The following EPS15L1 variants were observed in gnomAD, a reference collection of about 807,000 sequenced individuals.
EPS15L1 encodes the protein epidermal growth factor receptor substrate 15-like 1.
EPS15L1 carries 43 observed loss-of-function variants against 117.1 expected under a neutral mutation model. That is an observed-to-expected ratio of 0.37 (90% CI 0.29 to 0.47). EPS15L1 has a LOEUF of 0.47. Among genes scored for constraint, EPS15L1 ranks in the 20% least tolerant of loss-of-function variants. EPS15L1 has a pLI of 0.99. For missense variants in EPS15L1, 981 were observed against 1,164.0 expected, an observed-to-expected ratio of 0.84 and a Z score of 2.29; for synonymous variants, 459 against 470.5, an observed-to-expected ratio of 0.98 and a Z score of 0.32.
At chr19:16,461,305 T>TAAA (rs749124401) in intron 1 of EPS15L1, among the ~76,000 whole-genome samples, 7 of 99,990 alleles carry the variant, frequency 7.0e-5, no homozygotes, top group African/African-American at 2.4e-4. Flanking sequence ...CTCCGTCTCT[T>TAAA]AAAAAAAAAA....
At position 16,471,926 on chromosome 19, in the gene EPS15L1, G is replaced by A. The variant is rs990260997; in HGVS notation, c.20C>T (p.Pro7Leu). 4 of 1,295,822 alleles carry A rather than the reference G, an allele frequency of 3.1e-6. No homozygotes were observed. The highest frequency in any genetic ancestry group is 3.1e-5 in the African/African-American group (2 of 64,606). 80.3% of individuals were successfully genotyped at this position (1,295,822 alleles called of 1,614,324 possible). The change falls in exon 1 of 24, where the codon CCC (proline) becomes CTC (leucine). Residue 7 changes from proline to leucine, a missense_variant. This residue lies in a region of EPS15L1 where 37 missense variants were observed against 21.2 expected (regional missense o/e 1.75). Transcript: ENST00000455140. This position sits in a 1 kb window ranked among gnomAD's most constrained non-coding sequence, Gnocchi z 4.8. ...CCCGGCCCGTACCTGCTGGGAGAGGGGGATGAGCGGCGCCGCCATCTTCCC... is the reference window on the plus strand; with the variant it reads ...CCCGGCCCGTACCTGCTGGGAGAGGAGGATGAGCGGCGCCGCCATCTTCCC... MAAPLI[P>L]LSQQIPTGNS... is the part of the protein sequence containing the mutation.
At chr19:16,423,363 C>G (rs1340503769) in intron 9 of EPS15L1, among the ~76,000 whole-genome samples, 1 of 152,034 alleles carries the variant, frequency 6.6e-6, no homozygotes, top group African/African-American at 2.4e-5. Flanking sequence ...CCCAGGAGTT[C>G]AAGACCAGCC....
Position 16,387,368 on chromosome 19 carries a change from G to C in EPS15L1, c.2104-1137C>G, listed in dbSNP as rs868475524. On this transcript the variant is annotated intron_variant, in intron 19 of 23. Transcript: ENST00000455140. ...CATGCCTGTAATCCCAGCACTGTGG[G>C]GGCCAAGGCAAGTGGATCACCTGAG... Among the ~76,000 whole-genome samples the C allele has an allele frequency of 7.9e-5, 12 of 152,264 alleles. No homozygotes were observed. In the Middle Eastern group the frequency reaches 0.01, roughly 129 times the overall value.
intron 4 of EPS15L1, among the ~76,000 whole-genome samples, chr19:16,438,245 T>C (rs1394089277): frequency 3.3e-5 from 5 of 151,962 alleles, no homozygotes; most frequent in African/African-American, 1.2e-4. Flanking sequence ...CCCAGCTACT[T>C]GGGAGGCTGA....
At position 16,416,482 on chromosome 19, in the gene EPS15L1, A is replaced by T. The variant is rs559002289; in HGVS notation, c.1193+1070T>A. On this transcript the variant is annotated intron_variant, in intron 12 of 23. Transcript: ENST00000455140. Reference sequence around the variant, plus strand: ...GAAACCCCATCTCTACAAAAAATATAAAAAAATTAGCCAGGCATGGTGGCA... The same window carrying T: ...GAAACCCCATCTCTACAAAAAATATTAAAAAATTAGCCAGGCATGGTGGCA... 1.1e-3 allele frequency among the ~76,000 whole-genome samples: 165 copies of T among 152,104 alleles called. 2 individuals are homozygous for T. Among genetic ancestry groups the T allele is most frequent in the South Asian group, 8.3e-3 (40 of 4,818 alleles).
intron 21 of EPS15L1, among the ~76,000 whole-genome samples, chr19:16,377,824 T>C (rs898314181): frequency 6.6e-6 from 1 of 152,180 alleles, no homozygotes; most frequent in Non-Finnish European, 1.5e-5. Context: ...CATCCTCACA[T>C]GCCCGGCCAC....
At position 16,374,453 on chromosome 19, in the gene EPS15L1, A is replaced by G. The variant is rs13353278; in HGVS notation, c.2380+2669T>C. ...CCTAAAAAGCCTGAACCCTGAAGCCAGGCCCAAGGAAGTCACCCAAACTCC... is the reference window on the plus strand; with the variant it reads ...CCTAAAAAGCCTGAACCCTGAAGCCGGGCCCAAGGAAGTCACCCAAACTCC... On this transcript the variant is annotated intron_variant, in intron 22 of 23. Transcript: ENST00000455140. 8.0e-3 allele frequency among the ~76,000 whole-genome samples: 1,218 copies of G among 152,286 alleles called. 19 individuals are homozygous for G. Among genetic ancestry groups the G allele is most frequent in the African/African-American group, 0.028 (1,148 of 41,560 alleles).
chr19:16,462,932 G>A (rs1057446432), intron 1 of EPS15L1, among the ~76,000 whole-genome samples: 11 of 152,190 alleles, frequency 7.2e-5, no homozygotes, highest in Non-Finnish European at 1.5e-4. Flanking sequence ...CAGTGGAGGT[G>A]ATTCATCCCA....
intron 7 of EPS15L1, among the ~76,000 whole-genome samples, chr19:16,432,129 A>T (rs2092933877): frequency 6.6e-6 from 1 of 152,142 alleles, no homozygotes; most frequent in South Asian, 2.1e-4. Context: ...AAACAAATTG[A>T]GGCTTTTAAA....
chr19:16,407,929 T>A (rs2092671710), intron 13 of EPS15L1, among the ~76,000 whole-genome samples: 1 of 152,126 alleles, frequency 6.6e-6, no homozygotes, highest in South Asian at 2.1e-4. Context: ...AGAGACTGTG[T>A]CTCCAAACCC....
chr19:16,431,050 C>T (rs975729771), intron 7 of EPS15L1, among the ~76,000 whole-genome samples: 1 of 151,862 alleles, frequency 6.6e-6, no homozygotes, highest in East Asian at 2.0e-4. Context: ...ACCAGCCTGG[C>T]CAACATGGTG....
intron 11 of EPS15L1, 144 bp from the exon 12 acceptor site, chr19:16,417,781 G>A: frequency 8.5e-7 from 1 of 1,183,178 alleles, no homozygotes; most frequent in East Asian, 2.5e-5. Flanking sequence ...CCCTGCCTGG[G>A]GAAATACCTG....
rs561483634 is a variant in EPS15L1 at position 16,361,820 on chromosome 19, G to T, written c.2545C>A (p.Pro849Thr). 2.1e-5 allele frequency: 34 copies of T among 1,614,002 alleles called. No individual in the cohort carries two copies. The East Asian group carries it at 7.6e-4, about 36-fold the overall frequency. The change falls in exon 23 of 24, where the codon CCT (proline) becomes ACT (threonine). Residue 849 changes from proline (P) to threonine (T), a missense_variant. Pro to Thr is a conservative substitution (Grantham distance 38). Coordinates refer to ENST00000455140, the MANE Select transcript of EPS15L1 (RefSeq NM_001258374.3). ...AAGCCCGAGGCAGAGGCCTTAGAAG[G>T]TTTAGCTGCAGAGGAGGGGACAAAT... Reference protein sequence around the residue: ...DPFVPSSAAKPSKASASGFAD... With the variant: ...DPFVPSSAAKTSKASASGFAD...
chr19:16,432,203 G>A (rs2092934709), intron 7 of EPS15L1, among the ~76,000 whole-genome samples: 1 of 152,162 alleles, frequency 6.6e-6, no homozygotes, highest in South Asian at 2.1e-4. Context: ...GGAGGCCGAG[G>A]CAGGTGGATC....
chr19:16,468,858 A>T (rs1331730883), intron 1 of EPS15L1, among the ~76,000 whole-genome samples: 1 of 152,156 alleles, frequency 6.6e-6, no homozygotes, highest in African/African-American at 2.4e-5. Context: ...CAAAAAAAAA[A>T]TTGTTTAATT....
rs751223293 is a variant in EPS15L1, at chr19:16,377,140, G to A, written c.2362C>T (p.Arg788Trp). ...ALPPKKPAPP[R>W]PKPPSGKSTP... ...TACTGACCGCTGGGCGGTTTAGGCC[G>A]TGGAGGAGCAGGTTTCTTCGGAGGC... The change falls in exon 22 of 24, where the codon CGG (arginine) becomes TGG (tryptophan). Residue 788 changes from arginine (R) to tryptophan (W), a missense_variant. Transcript: ENST00000455140. The A allele has an allele frequency of 1.5e-5, 24 of 1,607,578 alleles. No homozygotes were observed. Among genetic ancestry groups the A allele is most frequent in the South Asian group, 2.2e-5 (2 of 90,208 alleles).
intron 1 of EPS15L1, among the ~76,000 whole-genome samples, chr19:16,445,113 A>G (rs544739577): frequency 6.6e-6 from 1 of 152,300 alleles, no homozygotes; most frequent in East Asian, 1.9e-4. Context: ...TCAGTCTTTG[A>G]GGCATGCAGG....
At chr19:16,397,358 G>A (rs985867059) in intron 16 of EPS15L1, among the ~76,000 whole-genome samples, 8 of 152,142 alleles carry the variant, frequency 5.3e-5, no homozygotes, top group Non-Finnish European at 7.4e-5. Context: ...CCAAAGTGCT[G>A]GGATTACAGG....
chr19:16,448,190 T>A (rs1275596277), intron 1 of EPS15L1, among the ~76,000 whole-genome samples: 1 of 152,182 alleles, frequency 6.6e-6, no homozygotes, highest in Non-Finnish European at 1.5e-5. Context: ...AAAGCCCGAT[T>A]CACAAAAGGA....
Sources: gnomAD v4.1 joint callset for allele counts (sites outside exome capture counted in the v4.1 genomes callset) on GRCh38, gnomAD v4.1.1 for gene constraint, gnomAD v4.1.1 regional missense constraint, Gnocchi (gnomAD v3.1) non-coding constraint, MANE v1.5 for transcripts, NCBI Gene and HGNC (gene_info 2026-07-23, HGNC 2026-07-21) for gene names.